Variants in WNK1 observed in about 807,000 individuals in gnomAD.
WNK1 encodes the protein serine/threonine-protein kinase WNK1.
WNK1 carries 38 observed loss-of-function variants against 222.8 expected under a neutral mutation model. That is an observed-to-expected ratio of 0.17 (90% CI 0.13 to 0.22). WNK1 has a LOEUF of 0.22. Ranked by LOEUF, WNK1 falls within the 10% of genes least tolerant of loss-of-function variation. WNK1 has a pLI of 1.00. For missense variants in WNK1, 2,348 were observed against 2,918.4 expected (o/e 0.80, Z 4.50); for synonymous variants, 1,090 against 1,092.9 (o/e 1.00, Z 0.05).
intron 4 of WNK1, among the ~76,000 whole-genome samples, chr12:838,447 C>T (rs1183658367): frequency 1.3e-5 from 2 of 152,102 alleles, no homozygotes; most frequent in Non-Finnish European, 2.9e-5. Context: ...CAGAATCTCA[C>T]TCTGTCACCC....
chr12:795,907 G>A (rs1945274600), intron 1 of WNK1, among the ~76,000 whole-genome samples: 2 of 151,898 alleles, frequency 1.3e-5, no homozygotes, highest in Non-Finnish European at 2.9e-5. Flanking sequence ...TTCTTTTTGA[G>A]ACAGAGTCAC....
At chr12:867,893 G>A in intron 8 of WNK1, 1 of 1,613,928 alleles carries the variant, frequency 6.2e-7, no homozygotes, top group Non-Finnish European at 8.5e-7. Flanking sequence ...TCCGTGTGGG[G>A]GGACCCCAAC....
In WNK1 at chr12:908,676, C is replaced by T. The variant is rs766617331; in HGVS notation, c.7033C>T (p.Pro2345Ser). The change falls in exon 28 of 28, where the codon CCA becomes TCA. Residue 2345 changes from proline (P) to serine (S), a missense_variant. By Grantham distance (74) the Pro-to-Ser change is moderately conservative (BLOSUM62 -1). Transcript: ENST00000315939. ...AQWSGTGGPA[P>S]QPLGQFQPVG... The stretch of plus-strand genomic sequence containing the variant: ...ATGGAGTGGGACGGGTGGCCCAGCA[C>T]CACAGCCACTTGGCCAGTTCCAACC... 2 of 1,614,194 alleles carry T rather than the reference C, an allele frequency of 1.2e-6. No individual in the cohort carries two copies. The highest frequency in any genetic ancestry group is 2.2e-5 in the East Asian group (1 of 44,880).
At chr12:893,459 A>G (rs1030312019) in intron 22 of WNK1, among the ~76,000 whole-genome samples, 1 of 152,196 alleles carries the variant, frequency 6.6e-6, no homozygotes, top group Admixed American at 6.5e-5. Context: ...TAGCTGTATA[A>G]AATAAATATA....
intron 21 of WNK1, 127 bp downstream of exon 21, chr12:889,350 C>G: frequency 1.2e-6 from 1 of 821,996 alleles, no homozygotes; most frequent in South Asian, 1.4e-5. Context: ...CTTATTCTAG[C>G]CAAAAGAAAT....
chr12:813,041 C>CT (rs1360769536), intron 1 of WNK1, among the ~76,000 whole-genome samples: 4 of 152,088 alleles, frequency 2.6e-5, no homozygotes, highest in African/African-American at 7.2e-5. Flanking sequence ...CAAGACCAGC[C>CT]AGTGCATCAT....
At chr12:867,483 T>G (rs1426428139) in intron 8 of WNK1, among the ~76,000 whole-genome samples, 1 of 152,236 alleles carries the variant, frequency 6.6e-6, no homozygotes, top group African/African-American at 2.4e-5. Context: ...CTTTTATGCC[T>G]TGTTTTAGTT....
intron 22 of WNK1, among the ~76,000 whole-genome samples, chr12:891,313 T>A (rs1178719752): frequency 1.3e-5 from 2 of 152,160 alleles, no homozygotes; most frequent in Non-Finnish European, 2.9e-5. Context: ...TAATTTTGTA[T>A]TTTTAGTAGA....
chr12:882,143 A>C, intron 14 of WNK1, 70 bp downstream of exon 14: 1 of 1,484,216 alleles, frequency 6.7e-7, no homozygotes, highest in South Asian at 1.2e-5. Context: ...TTTAGAGGTC[A>C]TCAAATCCAA....
chr12:821,862 A>G (rs11064550), intron 2 of WNK1, among the ~76,000 whole-genome samples: 19,228 of 151,862 alleles, frequency 0.13, 1,529 homozygotes, highest in Middle Eastern at 0.21. Context: ...TTTATTTACT[A>G]TTAGCATAGA....
At chr12:880,423 G>T (rs1455665719) in intron 11 of WNK1, among the ~76,000 whole-genome samples, 1 of 152,098 alleles carries the variant, frequency 6.6e-6, no homozygotes, top group Non-Finnish European at 1.5e-5. Flanking sequence ...AAGAATTTTT[G>T]CATTTTTCCA....
chr12:838,135 A>G (rs1452913417), intron 4 of WNK1, among the ~76,000 whole-genome samples: 1 of 151,460 alleles, frequency 6.6e-6, no homozygotes, highest in Non-Finnish European at 1.5e-5. Context: ...TTGTTTAGCC[A>G]TTTATCGATT....
chr12:887,860 G>A (rs928723013), intron 20 of WNK1, among the ~76,000 whole-genome samples: 1 of 152,146 alleles, frequency 6.6e-6, no homozygotes, highest in African/African-American at 2.4e-5. Flanking sequence ...AAGCCACCGA[G>A]CTCAGTGAGA....
chr12:836,458 A>G (rs954256370), intron 4 of WNK1, among the ~76,000 whole-genome samples: 5 of 152,228 alleles, frequency 3.3e-5, no homozygotes, highest in African/African-American at 4.8e-5. Flanking sequence ...TTCTATCTCA[A>G]TAGATTCTTG....
intron 1 of WNK1, among the ~76,000 whole-genome samples, chr12:799,630 C>T (rs1945679754): frequency 1.3e-5 from 2 of 152,234 alleles, no homozygotes; most frequent in South Asian, 4.1e-4. Flanking sequence ...TAGCTTGAGA[C>T]CAAGAATTCA....
chr12:838,006 G>A (rs1949329706), intron 4 of WNK1, among the ~76,000 whole-genome samples: 1 of 151,742 alleles, frequency 6.6e-6, no homozygotes, highest in Non-Finnish European at 1.5e-5. Context: ...ACTTTGTATA[G>A]TGTTCTCAAG....
intron 1 of WNK1, among the ~76,000 whole-genome samples, chr12:774,908 T>A (rs549185284): frequency 6.6e-6 from 1 of 152,344 alleles, no homozygotes; most frequent in South Asian, 2.1e-4. Flanking sequence ...TCAGAATGAA[T>A]CCTTTTATAT....
chr12:875,839 A>G (rs1952559861), intron 9 of WNK1, among the ~76,000 whole-genome samples: 2 of 152,244 alleles, frequency 1.3e-5, no homozygotes, highest in South Asian at 4.1e-4. Context: ...GAATTAATAT[A>G]TTTAATATGC....
chr12:785,346 T>TA (rs1167860781), intron 1 of WNK1, among the ~76,000 whole-genome samples: 1 of 152,114 alleles, frequency 6.6e-6, no homozygotes, highest in Non-Finnish European at 1.5e-5. Context: ...GAACTCCTGT[T>TA]ACATATATGT....
Sources: allele counts gnomAD v4.1 joint callset (sites outside exome capture counted in the v4.1 genomes callset), GRCh38; gene constraint gnomAD v4.1.1; transcripts MANE v1.5; gene names NCBI Gene and HGNC (gene_info 2026-07-23, HGNC 2026-07-21).